The following POU2AF2 variants were observed in gnomAD, a reference collection of about 807,000 sequenced individuals.
POU2AF2 encodes POU domain class 2-associating factor 2.
At chr11:111,256,093 G>A in the POU2AF2 span, 2 of 398,952 alleles carry the variant, frequency 5.0e-6, no homozygotes, top group South Asian at 1.3e-4. Flanking sequence ...AAGACTTAAT[G>A]TAAGTCCCAA....
chr11:111,261,423 G>A, the POU2AF2 span, among the ~76,000 whole-genome samples: 1 of 152,036 alleles, frequency 6.6e-6, no homozygotes, highest in African/African-American at 2.4e-5. Flanking sequence ...GTAGAAAAAA[G>A]GCAATAAACC....
the POU2AF2 span, among the ~76,000 whole-genome samples, chr11:111,264,633 G>GAGA: frequency 1.0e-3 from 32 of 31,772 alleles, 5 homozygotes; most frequent in South Asian, 0.013. Flanking sequence ...AAGAAAGAAA[G>GAGA]AGAAAGAAAG....
the POU2AF2 span, among the ~76,000 whole-genome samples, chr11:111,262,540 T>C: frequency 2.6e-5 from 4 of 152,196 alleles, no homozygotes; most frequent in Admixed American, 1.3e-4. Flanking sequence ...GAGGAAAAAA[T>C]ACATGCAATT....
chr11:111,251,941 T>A, the POU2AF2 span, among the ~76,000 whole-genome samples: 1 of 152,262 alleles, frequency 6.6e-6, no homozygotes, highest in African/African-American at 2.4e-5. Context: ...CTCATGAACT[T>A]TATTCCTCTA....
chr11:111,285,129 C>T, the POU2AF2 span, among the ~76,000 whole-genome samples: 3 of 152,170 alleles, frequency 2.0e-5, no homozygotes, highest in African/African-American at 4.8e-5. Flanking sequence ...GGAGGAGCCA[C>T]GAATGAATCC....
At chr11:111,276,999 T>G in the POU2AF2 span, among the ~76,000 whole-genome samples, 22 of 152,204 alleles carry the variant, frequency 1.4e-4, no homozygotes, top group African/African-American at 5.3e-4. Context: ...TTAGTAAATC[T>G]AATACAGAAT....
the POU2AF2 span, among the ~76,000 whole-genome samples, chr11:111,248,101 T>A: frequency 1.5e-3 from 235 of 152,142 alleles, no homozygotes; most frequent in African/African-American, 5.4e-3. Flanking sequence ...TTAGCCAGGA[T>A]GGTCTCGATC....
the POU2AF2 span, among the ~76,000 whole-genome samples, chr11:111,248,821 T>G: frequency 2.0e-5 from 3 of 152,344 alleles, no homozygotes; most frequent in South Asian, 6.2e-4. Flanking sequence ...GTATTTGATA[T>G]TTAATAACTA....
chr11:111,262,404 G>T, the POU2AF2 span, among the ~76,000 whole-genome samples: 1 of 152,178 alleles, frequency 6.6e-6, no homozygotes, highest in Admixed American at 6.5e-5. Flanking sequence ...CTAGTTGGAC[G>T]TTTGTTTAGT....
At chr11:111,283,510 A>C in the POU2AF2 span, among the ~76,000 whole-genome samples, 1 of 152,224 alleles carries the variant, frequency 6.6e-6, no homozygotes, top group Non-Finnish European at 1.5e-5. Context: ...CTGTGTGGCC[A>C]TCTAATCCTA....
chr11:111,275,033 C>T, the POU2AF2 span, among the ~76,000 whole-genome samples: 1 of 152,120 alleles, frequency 6.6e-6, no homozygotes, highest in East Asian at 1.9e-4. Context: ...TAGCAATGGC[C>T]AACAGTGTGT....
chr11:111,266,961 T>A, the POU2AF2 span, among the ~76,000 whole-genome samples: 3 of 152,148 alleles, frequency 2.0e-5, no homozygotes, highest in Non-Finnish European at 2.9e-5. Context: ...CCTGCTCAGC[T>A]CTCATGTCAC....
the POU2AF2 span, among the ~76,000 whole-genome samples, chr11:111,267,531 A>C: frequency 6.6e-6 from 1 of 152,186 alleles, no homozygotes; most frequent in African/African-American, 2.4e-5. Flanking sequence ...TTTTCTGAAT[A>C]TCGGCAAGTT....
the POU2AF2 span, among the ~76,000 whole-genome samples, chr11:111,279,062 A>G: frequency 6.6e-6 from 1 of 152,118 alleles, no homozygotes; most frequent in Non-Finnish European, 1.5e-5. Flanking sequence ...GATGTTGAGG[A>G]TTCTTAACTT....
the POU2AF2 span, among the ~76,000 whole-genome samples, chr11:111,260,209 T>C: frequency 6.6e-6 from 1 of 152,194 alleles, no homozygotes; most frequent in Non-Finnish European, 1.5e-5. Flanking sequence ...ATGATTCTCA[T>C]ATATCGAGTA....
the POU2AF2 span, among the ~76,000 whole-genome samples, chr11:111,274,576 AAGAG>A: frequency 2.0e-5 from 3 of 151,494 alleles, no homozygotes; most frequent in African/African-American, 4.8e-5. Context: ...GTAAGAAAGA[AAGAG>A]AGAGAAAGAG....
the POU2AF2 span, among the ~76,000 whole-genome samples, chr11:111,285,236 T>C: frequency 3.0e-4 from 46 of 152,212 alleles, no homozygotes; most frequent in Non-Finnish European, 1.5e-4. Context: ...AAATTCACCA[T>C]GGAGTTGAAG....
the POU2AF2 span, among the ~76,000 whole-genome samples, chr11:111,276,340 G>A: frequency 1.3e-5 from 2 of 150,568 alleles, no homozygotes; most frequent in African/African-American, 4.9e-5. Flanking sequence ...GCTCCTACCT[G>A]TAATCCCAGC....
At chr11:111,279,777 T>A in the POU2AF2 span, among the ~76,000 whole-genome samples, 10 of 152,128 alleles carry the variant, frequency 6.6e-5, no homozygotes, top group African/African-American at 2.2e-4. Context: ...TTGGGTGGCT[T>A]ATGCCTGAAA....
Sources: allele counts gnomAD v4.1 joint callset (sites outside exome capture counted in the v4.1 genomes callset), GRCh38; gene constraint gnomAD v4.1.1; transcripts MANE v1.5; gene names NCBI Gene and HGNC (gene_info 2026-07-23, HGNC 2026-07-21).